Variants in LTBP1 observed in about 807,000 individuals in gnomAD.
LTBP1 encodes the protein latent-transforming growth factor beta-binding protein 1.
LTBP1 carries 129 observed loss-of-function variants against 207.6 expected under a neutral mutation model. The ratio of observed to expected loss-of-function variants is 0.62; its 90% confidence interval spans 0.54 to 0.72. The LOEUF (loss-of-function observed/expected upper bound fraction) is 0.72. LTBP1 is among the 30% of genes least tolerant of loss of function. LTBP1 has a pLI of 0.00. For synonymous variants in LTBP1, 963 were observed against 833.7 expected, an observed-to-expected ratio of 1.16 and a Z score of -2.67; for missense variants, 2,281 against 2,217.2, an observed-to-expected ratio of 1.03 and a Z score of -0.58.
In LTBP1 at chr2:33,256,247, G is replaced by T. The variant is rs191089573; in HGVS notation, c.2168-1037G>T. Among the ~76,000 whole-genome samples the T allele has an allele frequency of 1.7e-3, 260 of 151,992 alleles. 2 individuals are homozygous for T. The highest frequency in any genetic ancestry group is 6.2e-3 in the African/African-American group (258 of 41,446). ...TTGAAAATAGCTGCATCTTGATTTG[G>T]CATTTCCCTTCTTTCTTGATTTCTA... is the stretch of plus-strand genomic sequence containing the variant. On this transcript the variant is annotated intron_variant, in intron 11 of 33. Coordinates refer to ENST00000404816, the MANE Select transcript of LTBP1 (RefSeq NM_206943.4).
chr2:33,065,439 A>C (rs1268983591), intron 3 of LTBP1, among the ~76,000 whole-genome samples: 1 of 152,148 alleles, frequency 6.6e-6, no homozygotes, highest in Admixed American at 6.6e-5. Flanking sequence ...CTGTAGCCCA[A>C]GCTACTCAGG....
chr2:33,262,221 G>A (rs1258466534), intron 13 of LTBP1, among the ~76,000 whole-genome samples: 1 of 152,230 alleles, frequency 6.6e-6, no homozygotes, highest in East Asian at 1.9e-4. Context: ...TGAGGTTAAA[G>A]AAGGCCATAG....
At chr2:33,187,317 T>C (rs534837932) in intron 6 of LTBP1, among the ~76,000 whole-genome samples, 3 of 152,170 alleles carry the variant, frequency 2.0e-5, no homozygotes, top group African/African-American at 7.2e-5. Context: ...AGCCCATTCT[T>C]CTCTAGTGAT....
At chr2:33,190,570 G>A (rs1157507954) in intron 7 of LTBP1, among the ~76,000 whole-genome samples, 1 of 152,148 alleles carries the variant, frequency 6.6e-6, no homozygotes, top group Non-Finnish European at 1.5e-5. Context: ...CCAGCACTCG[G>A]TAGGAGGGAA....
intron 3 of LTBP1, among the ~76,000 whole-genome samples, chr2:33,040,416 GAAT>G (rs1456930891): frequency 3.3e-5 from 5 of 152,232 alleles, no homozygotes; most frequent in Non-Finnish European, 7.3e-5. Flanking sequence ...TACATGCATA[GAAT>G]AATATTTCTT....
intron 24 of LTBP1, among the ~76,000 whole-genome samples, chr2:33,328,436 G>A (rs753986115): frequency 1.3e-5 from 2 of 152,136 alleles, no homozygotes; most frequent in Non-Finnish European, 2.9e-5. Context: ...AATTTATAAA[G>A]GAAAGAGGTT....
chr2:33,076,827 G>A (rs936989933), intron 3 of LTBP1, among the ~76,000 whole-genome samples: 5 of 27,138 alleles, frequency 1.8e-4, no homozygotes, highest in East Asian at 0.033. Context: ...GAGCCACCGC[G>A]CCCAGACCCT....
At chr2:33,390,779 G>A in intron 32 of LTBP1, among the ~76,000 whole-genome samples, 1 of 152,098 alleles carries the variant, frequency 6.6e-6, no homozygotes, top group East Asian at 1.9e-4. Context: ...GAGCCACCAT[G>A]CCTGGCCTGC....
At chr2:33,028,022 A>T (rs2075511336) in intron 3 of LTBP1, among the ~76,000 whole-genome samples, 1 of 152,248 alleles carries the variant, frequency 6.6e-6, no homozygotes, top group East Asian at 1.9e-4. Context: ...CATGGGGAAA[A>T]TGGTGAGGTG....
chr2:33,328,218 C>T (rs1166511178), intron 24 of LTBP1, among the ~76,000 whole-genome samples: 3 of 150,946 alleles, frequency 2.0e-5, no homozygotes, highest in Admixed American at 1.3e-4. Flanking sequence ...AAGGCCACCA[C>T]TTGACAAGCA....
At chr2:33,203,410 A>G (rs1272838247) in intron 7 of LTBP1, among the ~76,000 whole-genome samples, 2 of 152,232 alleles carry the variant, frequency 1.3e-5, no homozygotes, top group African/African-American at 2.4e-5. Context: ...TAGGGCTGGG[A>G]CATTAGGATA....
rs751765023 is a variant in LTBP1 at position 33,110,731 on chromosome 2, AAG to A, written c.1014_1015del (p.Gln338HisfsTer9). The stretch of plus-strand genomic sequence containing the variant: ...TTCCCTTTAAGATATGTGCAGGATC[AAG>A]TTGCGGCACCTTTTCAGCGTGAGTA... On this transcript the variant is annotated frameshift_variant, in exon 4 of 34. Transcript: ENST00000404816. LOFTEE classifies it high-confidence loss of function. 2 of 1,613,986 alleles carry A rather than the reference AAG, an allele frequency of 1.2e-6. No homozygotes were observed. Among genetic ancestry groups the A allele is most frequent in the Non-Finnish European group, 1.7e-6 (2 of 1,179,934 alleles).
intron 24 of LTBP1, among the ~76,000 whole-genome samples, chr2:33,341,729 A>AAAAAAAATATATATATAT (rs745445793): frequency 4.3e-5 from 4 of 93,622 alleles, no homozygotes; most frequent in South Asian, 3.9e-4. Context: ...AAAAAAAAAA[A>AAAAAAAATATATATATAT]ATATATATAT....
At chr2:32,963,651 A>G (rs1167874784) in intron 2 of LTBP1, among the ~76,000 whole-genome samples, 1 of 152,220 alleles carries the variant, frequency 6.6e-6, no homozygotes, top group East Asian at 1.9e-4. Context: ...TTAACATAAA[A>G]GATGCCTAAA....
chr2:33,207,339 T>C (rs890854377), intron 7 of LTBP1, among the ~76,000 whole-genome samples: 7 of 152,080 alleles, frequency 4.6e-5, no homozygotes, highest in African/African-American at 1.7e-4. Flanking sequence ...ACAAATACAC[T>C]GTCAGAAATC....
intron 24 of LTBP1, among the ~76,000 whole-genome samples, chr2:33,336,970 T>C (rs930568502): frequency 1.1e-4 from 16 of 152,206 alleles, no homozygotes; most frequent in African/African-American, 3.9e-4. Context: ...AATGGAACCA[T>C]TGAGATTTGT....
At chr2:33,360,475 G>C (rs114531894) in intron 26 of LTBP1, 122 bp from the exon 27 acceptor site, 7,871 of 589,188 alleles carry the variant, frequency 0.013, 82 homozygotes, top group South Asian at 0.022. Context: ...AAAGTGGAAA[G>C]CATTTTCTAT....
At chr2:33,206,771 T>C (rs2089916590) in intron 7 of LTBP1, among the ~76,000 whole-genome samples, 1 of 151,364 alleles carries the variant, frequency 6.6e-6, no homozygotes, top group Non-Finnish European at 1.5e-5. Flanking sequence ...TTGGAGAAGA[T>C]AGGCATTTAT....
chr2:33,021,464 A>G (rs1217994843), intron 3 of LTBP1, among the ~76,000 whole-genome samples: 3 of 152,260 alleles, frequency 2.0e-5, no homozygotes, highest in Non-Finnish European at 4.4e-5. Flanking sequence ...TATAGGGATC[A>G]AGACTGGAAG....
Sources: gnomAD v4.1 joint callset for allele counts (sites outside exome capture counted in the v4.1 genomes callset) on GRCh38, gnomAD v4.1.1 for gene constraint, MANE v1.5 for transcripts, NCBI Gene and HGNC (gene_info 2026-07-23, HGNC 2026-07-21) for gene names.